LAMB4: variants seen among roughly 807,000 people sequenced by gnomAD.
LAMB4 encodes the protein laminin subunit beta 4.
Under a neutral mutation model 199.2 loss-of-function variants are expected in LAMB4, and 196 were observed. The observed-to-expected ratio is 0.98, with a 90% CI of 0.88 to 1.11. The LOEUF (loss-of-function observed/expected upper bound fraction) is 1.11. LAMB4 is among the 50% of genes least tolerant of loss of function. LAMB4 has a pLI of 0.00. For synonymous variants in LAMB4, 744 were observed against 770.6 expected (o/e 0.97, Z 0.57); for missense variants, 2,080 against 2,171.2 (o/e 0.96, Z 0.83).
chr7:108,064,240 C>A (rs920627368), intron 21 of LAMB4, among the ~76,000 whole-genome samples: 1 of 152,088 alleles, frequency 6.6e-6, no homozygotes, highest in Non-Finnish European at 1.5e-5. Context: ...TCTTCAAATA[C>A]CATGGAGCTG....
intron 11 of LAMB4, among the ~76,000 whole-genome samples, chr7:108,096,705 A>G (rs1584744013): frequency 1.3e-5 from 2 of 151,024 alleles, no homozygotes; most frequent in Admixed American, 1.3e-4. Context: ...GGTGAGGCGG[A>G]AGGGTTGCTT....
chr7:108,017,958 A>G, the LAMB4 span, among the ~76,000 whole-genome samples: 1 of 152,256 alleles, frequency 6.6e-6, no homozygotes, highest in East Asian at 1.9e-4. Flanking sequence ...TGAATCGCCT[A>G]AGGTCATGCA....
intron 12 of LAMB4, among the ~76,000 whole-genome samples, chr7:108,094,391 T>C (rs1317212503): frequency 6.6e-6 from 1 of 152,132 alleles, no homozygotes; most frequent in Non-Finnish European, 1.5e-5. Context: ...TCTTCCAGAA[T>C]CCCTTCTTCA....
Position 108,108,341 on chromosome 7 carries a change from C to T in LAMB4, c.403-522G>A, listed in dbSNP as rs546243535. Among the ~76,000 whole-genome samples the T allele has an allele frequency of 3.9e-5, 6 of 152,286 alleles. No homozygotes were observed. In the South Asian group the frequency reaches 1.2e-3, roughly 32 times the overall value. Reference sequence around the variant, plus strand: ...AATTACATTGTAAAAATGTTTATGGCTTTGTGAATTATTAATTGAAGAAAG... The same window carrying T: ...AATTACATTGTAAAAATGTTTATGGTTTTGTGAATTATTAATTGAAGAAAG... On this transcript the variant is annotated intron_variant, in intron 5 of 33. Transcript: ENST00000388781.
chr7:108,129,382 A>G (rs930351707), intron 1 of LAMB4, among the ~76,000 whole-genome samples: 6 of 152,210 alleles, frequency 3.9e-5, no homozygotes, highest in African/African-American at 1.2e-4. Context: ...TGGTACACAA[A>G]TAATTGTCTA....
chr7:108,078,167 G>T, intron 16 of LAMB4, 34 bp downstream of exon 16: 3 of 1,362,600 alleles, frequency 2.2e-6, no homozygotes, highest in Non-Finnish European at 2.1e-6. Flanking sequence ...ATTCTAAGAA[G>T]CTTTCAATGT....
the LAMB4 span, among the ~76,000 whole-genome samples, chr7:108,016,546 A>C: frequency 6.6e-6 from 1 of 152,162 alleles, no homozygotes; most frequent in Non-Finnish European, 1.5e-5. Context: ...GGCCTCCCAA[A>C]GTGCTAGGAC....
At position 108,104,637 on chromosome 7, in the gene LAMB4, T is replaced by C; in HGVS notation, c.871-18A>G. The C allele has an allele frequency of 1.9e-6, 3 of 1,611,704 alleles. No individual in the cohort carries two copies. The highest frequency in any genetic ancestry group is 2.2e-5 in the South Asian group (2 of 90,566). ...CCGTGAACCTGCATTGTGCAATAAA[T>C]AGAGCGTTGAAAGAGGGCTTGTCCT... is the stretch of plus-strand genomic sequence containing the variant. On this transcript the variant is annotated intron_variant, in intron 8 of 33. Transcript: ENST00000388781.
intron 3 of LAMB4, among the ~76,000 whole-genome samples, chr7:108,112,163 A>G (rs1369498259): frequency 1.3e-5 from 2 of 152,350 alleles, no homozygotes; most frequent in East Asian, 3.9e-4. Flanking sequence ...TTTGGAATAA[A>G]AATGCAAATT....
At chr7:108,018,168 C>G in the LAMB4 span, among the ~76,000 whole-genome samples, 3 of 152,228 alleles carry the variant, frequency 2.0e-5, no homozygotes, top group Non-Finnish European at 4.4e-5. Flanking sequence ...TCTTTATGTG[C>G]AAGTTTAAGC....
intron 14 of LAMB4, among the ~76,000 whole-genome samples, chr7:108,085,887 ACAGGCGTG>A (rs1217456218): frequency 6.6e-6 from 1 of 152,168 alleles, no homozygotes; most frequent in Non-Finnish European, 1.5e-5. Flanking sequence ...TGCTGGGATT[ACAGGCGTG>A]AGCCACTGCG....
Position 108,123,209 on chromosome 7 carries a change from A to C in LAMB4, c.-33-12T>G, listed in dbSNP as rs998109356. On this transcript the variant is annotated splice_polypyrimidine_tract_variant and intron_variant, in intron 1 of 33. Coordinates refer to ENST00000388781, the MANE Select transcript of LAMB4 (RefSeq NM_007356.3). Reference sequence around the variant, plus strand: ...TAAATTCAATTCTACTGGGTTAAAAAAAGGTTAAAGTCAATCACTGATAGA... The same window carrying C: ...TAAATTCAATTCTACTGGGTTAAAACAAGGTTAAAGTCAATCACTGATAGA... 2.0e-6 allele frequency: 3 copies of C among 1,520,336 alleles called. No individual in the cohort carries two copies. Among genetic ancestry groups the C allele is most frequent in the Admixed American group, 1.9e-5 (1 of 54,010 alleles). 94.2% of individuals were successfully genotyped at this position (1,520,336 alleles called of 1,614,324 possible).
At chr7:108,066,018 A>G (rs1584669710) in intron 20 of LAMB4, 99 bp from the exon 21 acceptor site, 2 of 1,181,040 alleles carry the variant, frequency 1.7e-6, no homozygotes, top group East Asian at 4.8e-5. Context: ...ACCTCTGAAA[A>G]CTGAATATTT....
intron 17 of LAMB4, among the ~76,000 whole-genome samples, chr7:108,071,607 G>A (rs1479821841): frequency 6.6e-6 from 1 of 152,180 alleles, no homozygotes; most frequent in Non-Finnish European, 1.5e-5. Flanking sequence ...AACTGAAGGA[G>A]GTCATCTTTG....
intron 17 of LAMB4, among the ~76,000 whole-genome samples, chr7:108,070,785 G>A (rs2036506324): frequency 6.6e-6 from 1 of 152,160 alleles, no homozygotes; most frequent in South Asian, 2.1e-4. Flanking sequence ...GTTTTTGACT[G>A]CATGGGGGTG....
intron 7 of LAMB4, among the ~76,000 whole-genome samples, chr7:108,106,268 A>G (rs2038006019): frequency 6.6e-6 from 1 of 152,120 alleles, no homozygotes; most frequent in Non-Finnish European, 1.5e-5. Context: ...AAATACAAAA[A>G]TTAGCTGGGC....
chr7:108,062,638 T>G (rs1354785621), intron 23 of LAMB4, 136 bp downstream of exon 23: 3 of 464,800 alleles, frequency 6.5e-6, no homozygotes, highest in African/African-American at 6.1e-5. Flanking sequence ...GCTGACTCCA[T>G]CCCCTGTAAG....
chr7:108,093,418 G>T (rs939201110), intron 12 of LAMB4, among the ~76,000 whole-genome samples: 1 of 152,134 alleles, frequency 6.6e-6, no homozygotes, highest in South Asian at 2.1e-4. Flanking sequence ...CAACCCCTGG[G>T]AATTTTACCC....
intron 26 of LAMB4, 22 bp downstream of exon 26, chr7:108,052,075 C>G: frequency 6.3e-7 from 1 of 1,587,242 alleles, no homozygotes; most frequent in Non-Finnish European, 8.6e-7. Flanking sequence ...CAGACACAGT[C>G]AAAAATACAT....
Sources: allele counts gnomAD v4.1 joint callset (sites outside exome capture counted in the v4.1 genomes callset), GRCh38; gene constraint gnomAD v4.1.1; transcripts MANE v1.5; gene names NCBI Gene and HGNC (gene_info 2026-07-23, HGNC 2026-07-21).